The following ZNF594 variants were observed in gnomAD, a reference collection of about 807,000 sequenced individuals.
ZNF594 encodes zinc finger protein 594, also known as zinc finger protein HZF18.
For missense variants in ZNF594, 1,037 were observed against 964.6 expected, an observed-to-expected ratio of 1.08 and a Z score of -0.99; for synonymous variants, 336 against 309.4, an observed-to-expected ratio of 1.09 and a Z score of -0.90.
rs2074427718 is a variant in ZNF594, at chr17:5,191,857, A to G, written c.-130T>C. ...TTGGACCCCGCGCCTGGGCCAGGCG[A>G]GAACTTCCGGTGCGCTCCCCGGGAC... On this transcript the variant is annotated 5_prime_UTR_variant, in exon 1 of 2. Transcript: ENST00000575779. 6.6e-6 allele frequency: 1 copy of G among 152,038 alleles called. No individual in the cohort carries two copies. 9.4% of individuals were successfully genotyped at this position (152,038 alleles called of 1,614,324 possible).
Position 5,181,732 on chromosome 17 carries a change from T to A in ZNF594, c.*101A>T. 1 of 1,591,136 alleles carries A rather than the reference T, an allele frequency of 6.3e-7. No individual in the cohort carries two copies. Among genetic ancestry groups the A allele is most frequent in the Non-Finnish European group, 8.6e-7 (1 of 1,159,284 alleles). On this transcript the variant is annotated 3_prime_UTR_variant, in exon 2 of 2. Coordinates refer to ENST00000575779, the MANE Select transcript of ZNF594 (RefSeq NM_032530.2). ...CCACATTCACTACATTCATGAGGTT[T>A]CTCTCCAGTATGAACACGATGGTGT...
chr17:5,186,134 C>G (rs2074385055), intron 1 of ZNF594, among the ~76,000 whole-genome samples: 1 of 152,234 alleles, frequency 6.6e-6, no homozygotes, highest in Non-Finnish European at 1.5e-5. Context: ...CCACATTTCC[C>G]TTCTGCAGTG....
downstream of ZNF594, among the ~76,000 whole-genome samples, chr17:5,177,012 A>C (rs2074312487): frequency 6.6e-6 from 1 of 151,730 alleles, no homozygotes; most frequent in Non-Finnish European, 1.5e-5. Flanking sequence ...TGGCTAACAC[A>C]GTGAAACCCC....
rs1243609449 is a variant in ZNF594 at position 5,182,784 on chromosome 17, A to G, written c.1473T>C (p.Thr491=). 8.1e-6 allele frequency: 13 copies of G among 1,613,966 alleles called. No individual in the cohort carries two copies. Among genetic ancestry groups the G allele is most frequent in the Non-Finnish European group, 1.1e-5 (13 of 1,180,010 alleles). The change falls in exon 2 of 2, where the codon ACT becomes ACC. Residue 491 remains threonine (T), a synonymous_variant. Transcript: ENST00000575779. ...IHTGEKPYQC[T]ECGKAFRRRS... ...GCCGCCTGAAGGCTTTCCCACATTC[A>G]GTGCACTGATAGGGCTTCTCTCCAG...
downstream of ZNF594, among the ~76,000 whole-genome samples, chr17:5,178,178 T>TAA (rs143332678): frequency 6.7e-5 from 10 of 149,144 alleles, no homozygotes; most frequent in Non-Finnish European, 1.0e-4. Flanking sequence ...ACAAATATTC[T>TAA]AAAAAAAACC....
Position 5,181,808 on chromosome 17 carries a change from G to T in ZNF594, c.*25C>A, listed in dbSNP as rs763161120. The T allele has an allele frequency of 6.2e-7, 1 of 1,612,990 alleles. No homozygotes were observed. Among genetic ancestry groups the T allele is most frequent in the East Asian group, 2.2e-5 (1 of 44,796 alleles). ...AAGATTCCCCACATTTATTGCATAC[G>T]TAAGGTTTTTCTCCACTGTGAATTC... On this transcript the variant is annotated 3_prime_UTR_variant, in exon 2 of 2. Coordinates refer to ENST00000575779, the MANE Select transcript of ZNF594 (RefSeq NM_032530.2).
intron 1 of ZNF594, among the ~76,000 whole-genome samples, chr17:5,188,434 CTGTT>C (rs373223485): frequency 6.6e-6 from 1 of 152,044 alleles, no homozygotes; most frequent in Non-Finnish European, 1.5e-5. Flanking sequence ...TCAATTTCCT[CTGTT>C]TGTTCCCATA....
Position 5,182,142 on chromosome 17 carries a change from C to A in ZNF594, c.2115G>T (p.Glu705Asp), listed in dbSNP as rs1179285742. 6 of 1,613,568 alleles carry A rather than the reference C, an allele frequency of 3.7e-6. No homozygotes were observed. Among genetic ancestry groups the A allele is most frequent in the Admixed American group, 3.3e-5 (2 of 60,008 alleles). ...CACATTCCTTACATTCATAGGGTTT[C>A]TCACCACTATGAAGTCTCCGATGTT... ...LIQHRRLHSG[E>D]KPYECKECGK... The change falls in exon 2 of 2, where the codon GAG becomes GAT. Residue 705 changes from glutamate (E) to aspartate (D), a missense_variant. Physicochemically the swap from Glu to Asp is conservative, Grantham distance 45 (BLOSUM62 2). Coordinates refer to ENST00000575779, the MANE Select transcript of ZNF594 (RefSeq NM_032530.2).
chr17:5,177,958 T>C (rs569564126), downstream of ZNF594, among the ~76,000 whole-genome samples: 4 of 152,246 alleles, frequency 2.6e-5, no homozygotes, highest in African/African-American at 9.6e-5. Flanking sequence ...ACAAAAATAC[T>C]GTTCCACAAG....
chr17:5,176,542 TTTC>T (rs890703851), downstream of ZNF594, among the ~76,000 whole-genome samples: 58 of 151,568 alleles, frequency 3.8e-4, no homozygotes, highest in African/African-American at 1.3e-3. Context: ...TGTTTTTAGG[TTTC>T]TTCTTTTTTT....
In ZNF594 at chr17:5,183,727, T is replaced by C; in HGVS notation, c.530A>G (p.His177Arg). The change falls in exon 2 of 2, where the codon CAT (histidine) becomes CGT (arginine). Residue 177 changes from histidine to arginine, a missense_variant. His to Arg is a conservative substitution (Grantham distance 29). Coordinates refer to ENST00000575779, the MANE Select transcript of ZNF594 (RefSeq NM_032530.2). ...SSNLIIHQRI[H>R]TGKKPYICHE... ...ACATATATAAGGTTTCTTTCCTGTA[T>C]GAATTCTCTGATGTATAATAAGATT... 1.2e-6 allele frequency: 2 copies of C among 1,611,192 alleles called. No individual in the cohort carries two copies. The highest frequency in any genetic ancestry group is 1.4e-5 in the African/African-American group (1 of 73,008).
At position 5,179,964 on chromosome 17, in the gene ZNF594, T is replaced by G. The variant is rs2074327576; in HGVS notation, c.*1869A>C. The G allele has an allele frequency of 6.6e-6, 1 of 151,992 alleles. No homozygotes were observed. The highest frequency in any genetic ancestry group is 2.4e-5 in the African/African-American group (1 of 41,380). The allele number at this position is 151,992 out of a possible 1,614,324, so 9.4% of individuals were successfully genotyped here. A position where few individuals can be genotyped will look rare whatever the true frequency, so the allele number is the denominator to read the frequency against. ...TGGTGATTAAAAAGTTGGAAACCACTGAATTAAATTACCTTCAAATCCCTG... is the reference window on the plus strand; with the variant it reads ...TGGTGATTAAAAAGTTGGAAACCACGGAATTAAATTACCTTCAAATCCCTG... On this transcript the variant is annotated 3_prime_UTR_variant, in exon 2 of 2. Coordinates refer to ENST00000575779, the MANE Select transcript of ZNF594 (RefSeq NM_032530.2).
chr17:5,185,894 C>T (rs2144254956), intron 1 of ZNF594, among the ~76,000 whole-genome samples: 1 of 152,298 alleles, frequency 6.6e-6, no homozygotes, highest in South Asian at 2.1e-4. Flanking sequence ...CATGCTGATG[C>T]AAGAGGTGGG....
chr17:5,181,879 T>C lies in ZNF594; in HGVS notation c.2378A>G (p.Glu793Gly), dbSNP rs2074343969. 6.2e-7 allele frequency: 1 copy of C among 1,613,868 alleles called. No individual in the cohort carries two copies. Among genetic ancestry groups the C allele is most frequent in the South Asian group, 1.1e-5 (1 of 91,072 alleles). The part of the protein sequence containing the change: ...HTREKPYECK[E>G]CGKTQSELRP... ...GAGCTCTGATTGAGTTTTCCCACATTCTTTACATTCATATGGTTTCTCTCT... is the reference window on the plus strand; with the variant it reads ...GAGCTCTGATTGAGTTTTCCCACATCCTTTACATTCATATGGTTTCTCTCT... Residue 793 changes from glutamate (E) to glycine (G), a missense_variant, in exon 2 of 2, where the codon GAA becomes GGA. Transcript: ENST00000575779.
chr17:5,175,995 TTTTG>T (rs966466177), downstream of ZNF594, among the ~76,000 whole-genome samples: 134 of 152,314 alleles, frequency 8.8e-4, no homozygotes, highest in African/African-American at 2.3e-3. Context: ...AAGAGGGATT[TTTTG>T]TTTGTTTTGT....
At chr17:5,176,220 A>AC (rs1473932718), downstream of ZNF594, among the ~76,000 whole-genome samples, 1 of 151,962 alleles carries the variant, frequency 6.6e-6, no homozygotes, top group African/African-American at 2.4e-5. Flanking sequence ...ATATGGAGAA[A>AC]CCCCGTCTCT....
Position 5,183,607 on chromosome 17 carries a change from CCA to C in ZNF594, c.648_649del (p.Cys216TrpfsTer5), listed in dbSNP as rs775311463. ...GTTTGAGCTTCCCTTAAAAGCCTTCCCACACTCTTTGCACTCATAGGGATTCC... is the reference window on the plus strand; with the variant it reads ...GTTTGAGCTTCCCTTAAAAGCCTTCCCACTCTTTGCACTCATAGGGATTCC... On this transcript the variant is annotated frameshift_variant, in exon 2 of 2. Coordinates refer to ENST00000575779, the MANE Select transcript of ZNF594 (RefSeq NM_032530.2). LOFTEE classifies it low-confidence loss of function (END_TRUNC). 13 of 1,614,054 alleles carry C rather than the reference CCA, an allele frequency of 8.1e-6. No individual in the cohort carries two copies. Among genetic ancestry groups the C allele is most frequent in the South Asian group, 1.1e-5 (1 of 91,086 alleles).
Position 5,180,468 on chromosome 17 carries a change from T to G in ZNF594, c.*1365A>C, listed in dbSNP as rs2074331599. 1 of 154,236 alleles carries G rather than the reference T, an allele frequency of 6.5e-6. No individual in the cohort carries two copies. Among genetic ancestry groups the G allele is most frequent in the African/African-American group, 2.4e-5 (1 of 41,438 alleles). 9.6% of individuals were successfully genotyped at this position (154,236 alleles called of 1,614,324 possible). Reference sequence around the variant, plus strand: ...GGCTCTTTCCATGAATAATTTAGTTTTGGGGTTGTTGCCAAAGTGATTTAT... The same window carrying G: ...GGCTCTTTCCATGAATAATTTAGTTGTGGGGTTGTTGCCAAAGTGATTTAT... On this transcript the variant is annotated 3_prime_UTR_variant, in exon 2 of 2. Transcript: ENST00000575779.
At chr17:5,174,107 T>A in the ZNF594 span, 1 of 203,130 alleles carries the variant, frequency 4.9e-6, no homozygotes, top group East Asian at 7.6e-5. Context: ...CACTGGTTTT[T>A]TTATTTTGAT....
Sources: gnomAD v4.1 joint callset for allele counts (sites outside exome capture counted in the v4.1 genomes callset) on GRCh38, gnomAD v4.1.1 for gene constraint, MANE v1.5 for transcripts, NCBI Gene and HGNC (gene_info 2026-07-23, HGNC 2026-07-21) for gene names.